The following ATXN1 variants were observed in gnomAD, a reference collection of about 807,000 sequenced individuals.
ATXN1 encodes the protein ataxin 1.
A neutral mutation model predicts 56.4 loss-of-function variants in ATXN1; 8 were observed. The observed-to-expected ratio is 0.14, with a 90% CI of 0.08 to 0.26. The LOEUF is 0.26. Among genes scored for constraint, ATXN1 ranks in the 10% least tolerant of loss-of-function variants. ATXN1 has a pLI of 1.00. For synonymous variants in ATXN1, 514 were observed against 494.6 expected (o/e 1.04, Z -0.52); for missense variants, 987 against 1,106.5 (o/e 0.89, Z 1.53).
intron 3 of ATXN1, among the ~76,000 whole-genome samples, chr6:16,619,274 C>G (rs972917677): frequency 1.3e-5 from 2 of 151,970 alleles, no homozygotes; most frequent in South Asian, 2.1e-4. Flanking sequence ...GCCACCAGCT[C>G]TAGTTCTGGA....
chr6:16,636,400 C>A (rs1056984076), intron 3 of ATXN1, among the ~76,000 whole-genome samples: 1 of 152,240 alleles, frequency 6.6e-6, no homozygotes, highest in African/African-American at 2.4e-5. Context: ...AGCCCCCAGG[C>A]AGCCCTTCAC....
intron 6 of ATXN1, among the ~76,000 whole-genome samples, chr6:16,403,158 G>A (rs1758613000): frequency 6.6e-6 from 1 of 152,044 alleles, no homozygotes; most frequent in African/African-American, 2.4e-5. Flanking sequence ...CAGAAAGACT[G>A]GGACTCTGGC....
intron 2 of ATXN1, chr6:16,739,491 A>G (rs1760256307): frequency 4.2e-6 from 1 of 240,718 alleles, no homozygotes; most frequent in Non-Finnish European, 8.8e-6. Context: ...CTGTGAGCTA[A>G]TGCCAAGATG....
intron 3 of ATXN1, among the ~76,000 whole-genome samples, chr6:16,606,829 T>C (rs1763016236): frequency 7.8e-6 from 1 of 128,412 alleles, no homozygotes; most frequent in Non-Finnish European, 1.7e-5. Context: ...CGCCCGGCCC[T>C]AAATTGAATT....
Position 16,524,283 on chromosome 6 carries a change from C to T in ATXN1, c.-360-1595G>A, listed in dbSNP as rs535520106. On this transcript the variant is annotated intron_variant, in intron 4 of 7. Coordinates refer to ENST00000436367, the MANE Select transcript of ATXN1 (RefSeq NM_001128164.2). ...TCAGACTATCCTAGGCTAGGTGGGG[C>T]TGCAAAGACAAAGGTTATGCTCCAA... Among the ~76,000 whole-genome samples, 3 of 152,248 alleles carry T rather than the reference C, an allele frequency of 2.0e-5. No individual in the cohort carries two copies. In the South Asian group the frequency reaches 6.2e-4, roughly 32 times the overall value.
intron 3 of ATXN1, among the ~76,000 whole-genome samples, chr6:16,618,679 G>A (rs1457522702): frequency 2.8e-5 from 4 of 143,856 alleles, no homozygotes; most frequent in African/African-American, 1.0e-4. Context: ...CCAAGATCGT[G>A]CCACTGCACT....
chr6:16,549,366 C>T (rs1761874084), intron 4 of ATXN1, among the ~76,000 whole-genome samples: 1 of 152,156 alleles, frequency 6.6e-6, no homozygotes, highest in South Asian at 2.1e-4. Context: ...TGCACTAGGA[C>T]ATTACAATGG....
At chr6:16,522,731 A>G (rs1287010074) in intron 4 of ATXN1, 43 bp from the exon 5 acceptor site, 2 of 152,242 alleles carry the variant, frequency 1.3e-5, no homozygotes, top group African/African-American at 4.8e-5. Flanking sequence ...TAATAACTCC[A>G]TTCTCTAAAT....
At chr6:16,644,170 G>T (rs1763758900) in intron 3 of ATXN1, among the ~76,000 whole-genome samples, 1 of 152,206 alleles carries the variant, frequency 6.6e-6, no homozygotes, top group South Asian at 2.1e-4. Flanking sequence ...GAAATGGATA[G>T]TGGAGATGAT....
chr6:16,330,108 G>T (rs866633928), intron 6 of ATXN1, among the ~76,000 whole-genome samples: 1 of 152,024 alleles, frequency 6.6e-6, no homozygotes, highest in South Asian at 2.1e-4. Flanking sequence ...GAGAGATGGG[G>T]TCTTGCTATG....
intron 2 of ATXN1, among the ~76,000 whole-genome samples, chr6:16,668,874 A>C (rs886910325): frequency 6.6e-6 from 1 of 151,946 alleles, no homozygotes; most frequent in Admixed American, 6.6e-5. Context: ...TCCTGGCCTC[A>C]AGCAATCCTC....
intron 3 of ATXN1, among the ~76,000 whole-genome samples, chr6:16,604,754 TA>T (rs35893990): frequency 1.0e-3 from 147 of 143,958 alleles, no homozygotes; most frequent in Admixed American, 1.0e-3. Context: ...CCTGGCTGAT[TA>T]AAAAAAAAAA....
intron 6 of ATXN1, among the ~76,000 whole-genome samples, chr6:16,395,270 CAA>C (rs748314030): frequency 0.02 from 975 of 48,372 alleles, 5 homozygotes; most frequent in Admixed American, 0.036. Context: ...AACTCCGTCT[CAA>C]AAAAAAAAAA....
intron 4 of ATXN1, among the ~76,000 whole-genome samples, chr6:16,545,767 G>A (rs553813130): frequency 1.3e-5 from 2 of 152,346 alleles, no homozygotes; most frequent in Admixed American, 1.3e-4. Flanking sequence ...TAAATCATGA[G>A]CAGGTGGCAC....
chr6:16,513,645 C>CA (rs1183086367), intron 5 of ATXN1, among the ~76,000 whole-genome samples: 1 of 152,168 alleles, frequency 6.6e-6, no homozygotes, highest in African/African-American at 2.4e-5. Context: ...TCAAGAGCGT[C>CA]ACGTGTCTTC....
chr6:16,410,958 C>G lies in ATXN1; in HGVS notation c.-161+75014G>C, dbSNP rs571608246. Among the ~76,000 whole-genome samples, 3 of 152,018 alleles carry G rather than the reference C, an allele frequency of 2.0e-5. No homozygotes were observed. The highest frequency in any genetic ancestry group is 4.1e-4 in the South Asian group (2 of 4,822). On this transcript the variant is annotated intron_variant, in intron 6 of 7. Transcript: ENST00000436367. The surrounding 1 kb of genome is among the most constrained non-coding windows in gnomAD (Gnocchi z 4.6). ...TGGCCAACATGCTGAAACCACGTCT[C>G]TACCAAAAATACAAAAATTAGCCGT... is the stretch of plus-strand genomic sequence containing the variant.
chr6:16,327,081 G>C lies in ATXN1; in HGVS notation c.1230C>G (p.Leu410=). Residue 410 remains leucine (L), a synonymous_variant, in exon 7 of 8, where the codon CTC becomes CTG. Coordinates refer to ENST00000436367, the MANE Select transcript of ATXN1 (RefSeq NM_001128164.2). ...CTAAATGCAGGCCACTTTTGTCGTT[G>C]AGGGTAGAAGGGGAGGCTTCACGAT... ...ATHREASPST[L]NDKSGLHLGK... is the part of the protein sequence containing the mutation. 1 of 1,613,908 alleles carries C rather than the reference G, an allele frequency of 6.2e-7. No homozygotes were observed. Among genetic ancestry groups the C allele is most frequent in the Non-Finnish European group, 8.5e-7 (1 of 1,180,024 alleles).
chr6:16,493,503 A>C (rs1218916776), intron 5 of ATXN1, among the ~76,000 whole-genome samples: 1 of 84,960 alleles, frequency 1.2e-5, no homozygotes, highest in East Asian at 3.3e-4. Context: ...CTATGGTTTT[A>C]AAATTCATTT....
intron 2 of ATXN1, among the ~76,000 whole-genome samples, chr6:16,741,719 C>T (rs557609768): frequency 3.3e-5 from 5 of 152,190 alleles, no homozygotes; most frequent in Admixed American, 2.0e-4. Context: ...CTGGTGAGAC[C>T]CACATTTCAA....
Sources: allele counts gnomAD v4.1 joint callset (sites outside exome capture counted in the v4.1 genomes callset), GRCh38; gene constraint gnomAD v4.1.1; non-coding constraint Gnocchi (gnomAD v3.1); transcripts MANE v1.5; gene names NCBI Gene and HGNC (gene_info 2026-07-23, HGNC 2026-07-21).